Variants in C1orf105 observed in about 807,000 individuals in gnomAD.
C1orf105 encodes the protein chromosome 1 open reading frame 105.
Under a neutral mutation model 20.8 loss-of-function variants are expected in C1orf105, and 17 were observed. The ratio of observed to expected loss-of-function variants is 0.82; its 90% CI spans 0.56 to 1.23. C1orf105 has a LOEUF of 1.23. Among genes scored for constraint, C1orf105 ranks in the 50% most tolerant of loss-of-function variants. C1orf105 has a pLI of 0.00. For missense variants in C1orf105, 219 were observed against 213.5 expected, an observed-to-expected ratio of 1.03 and a Z score of -0.16; for synonymous variants, 72 against 72.1, an observed-to-expected ratio of 1.00 and a Z score of 0.01.
chr1:172,439,581 C>T (rs552630687), intron 1 of C1orf105, among the ~76,000 whole-genome samples: 2 of 152,108 alleles, frequency 1.3e-5, no homozygotes, highest in Non-Finnish European at 2.9e-5. Context: ...GACTGAGTGA[C>T]TCCAAATACT....
intron 5 of C1orf105, 55 bp from the exon 6 acceptor site, chr1:172,465,244 T>C (rs1649958398): frequency 3.9e-6 from 4 of 1,025,360 alleles, no homozygotes; most frequent in Admixed American, 2.4e-5. Context: ...GGCACATTTC[T>C]TTCTACCAAG....
intron 1 of C1orf105, chr1:172,443,826 A>C: frequency 9.0e-6 from 3 of 331,610 alleles, no homozygotes; most frequent in Non-Finnish European, 9.1e-6. Context: ...GGGGTAGGGT[A>C]GGGTGACCCC....
chr1:172,461,861 C>T (rs893950985), intron 4 of C1orf105, among the ~76,000 whole-genome samples: 3 of 152,014 alleles, frequency 2.0e-5, no homozygotes, highest in South Asian at 2.1e-4. Flanking sequence ...ACAGTAGTCC[C>T]GGAGTCAGCA....
chr1:172,462,154 TC>T (rs1456108194), intron 4 of C1orf105, 23 bp from the exon 5 acceptor site: 20 of 1,574,432 alleles, frequency 1.3e-5, no homozygotes, highest in Non-Finnish European at 1.7e-5. Flanking sequence ...CAGGCAACGT[TC>T]TAAATGAGAC....
At chr1:172,439,342 C>T (rs1270395469) in intron 1 of C1orf105, among the ~76,000 whole-genome samples, 2 of 152,198 alleles carry the variant, frequency 1.3e-5, no homozygotes, top group African/African-American at 4.8e-5. Flanking sequence ...TCCCTCACTA[C>T]AGCCCATTTG....
chr1:172,422,744 G>A (rs1242092682), intron 1 of C1orf105, among the ~76,000 whole-genome samples: 1 of 136,710 alleles, frequency 7.3e-6, no homozygotes, highest in Non-Finnish European at 1.7e-5. Context: ...CTAGGCCAGA[G>A]AGGAGCCCAC....
chr1:172,444,861 A>G (rs886323389), intron 1 of C1orf105, among the ~76,000 whole-genome samples: 7 of 152,382 alleles, frequency 4.6e-5, no homozygotes, highest in African/African-American at 1.7e-4. Flanking sequence ...ACTCAAGGCA[A>G]ATCACACTAC....
At chr1:172,441,881 C>T in intron 1 of C1orf105, 1 of 1,614,142 alleles carries the variant, frequency 6.2e-7, no homozygotes, top group East Asian at 2.2e-5. Flanking sequence ...GCTCCCACAG[C>T]ACTAATGGAC....
At chr1:172,432,958 C>T (rs772130545) in intron 1 of C1orf105, among the ~76,000 whole-genome samples, 3 of 152,150 alleles carry the variant, frequency 2.0e-5, no homozygotes, top group Non-Finnish European at 4.4e-5. Flanking sequence ...GGTACGAGAA[C>T]TATGTGATGC....
chr1:172,442,692 T>G (rs1422903785), intron 1 of C1orf105: 1 of 1,367,272 alleles, frequency 7.3e-7, no homozygotes, highest in Non-Finnish European at 1.0e-6. Context: ...TCTTGTTCTT[T>G]ATGAAGTTTT....
At chr1:172,433,455 T>A (rs1338821787) in intron 1 of C1orf105, among the ~76,000 whole-genome samples, 1 of 152,178 alleles carries the variant, frequency 6.6e-6, no homozygotes, top group Non-Finnish European at 1.5e-5. Context: ...TATTCAACAT[T>A]CTTAAACAAA....
chr1:172,460,982 T>C (rs898029589), intron 4 of C1orf105, among the ~76,000 whole-genome samples: 1 of 152,230 alleles, frequency 6.6e-6, no homozygotes, highest in African/African-American at 2.4e-5. Context: ...ACAGCAATCA[T>C]GCTATTCAGG....
intron 1 of C1orf105, among the ~76,000 whole-genome samples, chr1:172,444,830 G>A (rs899145230): frequency 6.6e-6 from 1 of 152,202 alleles, no homozygotes; most frequent in Non-Finnish European, 1.5e-5. Context: ...CAGAAAACAT[G>A]ACCCATTTAC....
chr1:172,447,443 G>T (rs7537567), intron 2 of C1orf105, among the ~76,000 whole-genome samples: 16,514 of 152,178 alleles, frequency 0.11, 3,024 homozygotes, highest in African/African-American at 0.38. Flanking sequence ...AGCCCTTCAA[G>T]TCACACTAAG....
At chr1:172,430,991 A>ATG in intron 1 of C1orf105, 5 of 513,760 alleles carry the variant, frequency 9.7e-6, no homozygotes, top group Admixed American at 3.5e-5. Context: ...CTTAGTGGAT[A>ATG]TGTGTGTGTG....
intron 3 of C1orf105, among the ~76,000 whole-genome samples, chr1:172,455,014 C>G (rs1649084170): frequency 2.6e-5 from 4 of 152,166 alleles, no homozygotes; most frequent in African/African-American, 7.2e-5. Context: ...GTCACAGCAC[C>G]CTTTACTTGG....
chr1:172,427,579 T>C (rs1317372920), intron 1 of C1orf105, among the ~76,000 whole-genome samples: 2 of 152,174 alleles, frequency 1.3e-5, no homozygotes, highest in Non-Finnish European at 2.9e-5. Context: ...ATTCCAGCAC[T>C]CCAACAAAAA....
intron 1 of C1orf105, among the ~76,000 whole-genome samples, chr1:172,439,573 C>A (rs2072150997): frequency 6.6e-6 from 1 of 152,132 alleles, no homozygotes; most frequent in African/African-American, 2.4e-5. Context: ...AGATCAGGGA[C>A]TGAGTGACTC....
intron 1 of C1orf105, 58 bp downstream of exon 1, chr1:172,420,964 T>G: frequency 6.7e-7 from 1 of 1,495,544 alleles, no homozygotes; most frequent in Non-Finnish European, 9.3e-7. Context: ...CCCTGGTAAA[T>G]GTTTGTATGC....
Sources: gnomAD v4.1 joint callset for allele counts (sites outside exome capture counted in the v4.1 genomes callset) on GRCh38, gnomAD v4.1.1 for gene constraint, MANE v1.5 for transcripts, NCBI Gene and HGNC (gene_info 2026-07-23, HGNC 2026-07-21) for gene names.